MCMDC2: variants seen among roughly 807,000 people sequenced by gnomAD.
MCMDC2 encodes minichromosome maintenance domain-containing protein 2.
In MCMDC2, 54 loss-of-function variants were observed where a neutral mutation model predicts 75.8. The observed-to-expected ratio is 0.71, with a 90% CI of 0.57 to 0.89. MCMDC2 has a LOEUF of 0.89. MCMDC2 is among the 40% of genes least tolerant of loss of function. MCMDC2 has a pLI of 0.00. For synonymous variants in MCMDC2, 249 were observed against 274.6 expected, an observed-to-expected ratio of 0.91 and a Z score of 0.92; for missense variants, 656 against 780.4, an observed-to-expected ratio of 0.84 and a Z score of 1.90.
In MCMDC2 at chr8:66,921,797, C is replaced by T. The variant is rs1813544052; in HGVS notation, c.*2628C>T. 6.6e-6 allele frequency: 1 copy of T among 152,190 alleles called. No homozygotes were observed. Among genetic ancestry groups the T allele is most frequent in the South Asian group, 2.1e-4 (1 of 4,828 alleles). The allele number at this position is 152,190 out of a possible 1,614,324, so 9.4% of individuals were successfully genotyped here. A position where few individuals can be genotyped will look rare whatever the true frequency, so the allele number is the denominator to read the frequency against. On this transcript the variant is annotated 3_prime_UTR_variant, in exon 15 of 15. Coordinates refer to ENST00000422365, the MANE Select transcript of MCMDC2 (RefSeq NM_173518.5). ...AAGCCAGACAGGGAACCTAGAGGTA[C>T]AAGCAATGTCTCCCCAGCTGTCAGC...
chr8:66,871,015 G>A (rs1810989193), intron 1 of MCMDC2, among the ~76,000 whole-genome samples, 184 bp downstream of exon 1: 1 of 152,196 alleles, frequency 6.6e-6, no homozygotes, highest in South Asian at 2.1e-4. Flanking sequence ...CAGAATCCGC[G>A]CCTGTTCCAC....
rs562884126 is a variant in MCMDC2 at position 66,901,703 on chromosome 8, G to A, written c.1769+355G>A. On this transcript the variant is annotated intron_variant, in intron 13 of 14. Transcript: ENST00000422365. ...TCCCAGCACTTTGGGAGTCCGAGAG[G>A]GCAGATTGCCTGAGGTCAGGAGTTC... 8 of 904,076 alleles carry A rather than the reference G, an allele frequency of 8.8e-6. No homozygotes were observed. The African/African-American group carries it at 1.4e-4, about 16-fold the overall frequency. 56.0% of individuals were successfully genotyped at this position (904,076 alleles called of 1,614,324 possible).
chr8:66,880,704 C>A (rs1399897426), intron 7 of MCMDC2, 145 bp from the exon 8 acceptor site: 2 of 761,482 alleles, frequency 2.6e-6, no homozygotes, highest in Non-Finnish European at 1.8e-6. Flanking sequence ...TAGTGTCACT[C>A]TATATGGATA....
In MCMDC2 at chr8:66,921,107, A is replaced by C. The variant is rs905745991; in HGVS notation, c.*1938A>C. On this transcript the variant is annotated 3_prime_UTR_variant, in exon 15 of 15. Transcript: ENST00000422365. Reference sequence around the variant, plus strand: ...TCAAAAAACCCAACCTCAGTCTCAAAGATGGTTACTTCACCACAAAAAAAT... The same window carrying C: ...TCAAAAAACCCAACCTCAGTCTCAACGATGGTTACTTCACCACAAAAAAAT... 2.0e-5 allele frequency: 3 copies of C among 152,150 alleles called. No individual in the cohort carries two copies. The highest frequency in any genetic ancestry group is 7.2e-5 in the African/African-American group (3 of 41,404). 9.4% of individuals were successfully genotyped at this position (152,150 alleles called of 1,614,324 possible).
downstream of MCMDC2, among the ~76,000 whole-genome samples, chr8:66,924,633 C>CAA (rs201097719): frequency 3.1e-4 from 25 of 81,108 alleles, no homozygotes; most frequent in South Asian, 3.9e-4. Context: ...GACTCTGGCT[C>CAA]AAAAAAAAAA....
intron 14 of MCMDC2, among the ~76,000 whole-genome samples, chr8:66,907,341 C>T (rs375644444): frequency 1.4e-4 from 21 of 152,158 alleles, no homozygotes; most frequent in African/African-American, 5.1e-4. Flanking sequence ...GTTTTATGTT[C>T]CTGTGTTAGT....
At chr8:66,872,935 C>T (rs867961813) in intron 1 of MCMDC2, among the ~76,000 whole-genome samples, 1 of 128,564 alleles carries the variant, frequency 7.8e-6, no homozygotes, top group East Asian at 2.3e-4. Flanking sequence ...CCAGCCTGGG[C>T]GACAGAGTTG....
rs1025852724 is a variant in MCMDC2 at position 66,921,286 on chromosome 8, A to G, written c.*2117A>G. 9 of 152,222 alleles carry G rather than the reference A, an allele frequency of 5.9e-5. No homozygotes were observed. The highest frequency in any genetic ancestry group is 9.6e-5 in the African/African-American group (4 of 41,452). The allele number at this position is 152,222 out of a possible 1,614,324, so 9.4% of individuals were successfully genotyped here. A position where few individuals can be genotyped will look rare whatever the true frequency, so the allele number is the denominator to read the frequency against. On this transcript the variant is annotated 3_prime_UTR_variant, in exon 15 of 15. Coordinates refer to ENST00000422365, the MANE Select transcript of MCMDC2 (RefSeq NM_173518.5). ...TGCAGGACGAAAAATTAATGGGTGC[A>G]ATGTACACCATTCAGGTAATGGCTG...
At chr8:66,890,734 A>T in intron 9 of MCMDC2, 131 bp from the exon 10 acceptor site, 1 of 787,488 alleles carries the variant, frequency 1.3e-6, no homozygotes, top group Non-Finnish European at 2.0e-6. Context: ...TTAGTCATAT[A>T]TATTTTTATC....
intron 11 of MCMDC2, among the ~76,000 whole-genome samples, 155 bp from the exon 12 acceptor site, chr8:66,896,625 C>A (rs1812364629): frequency 6.6e-6 from 1 of 151,440 alleles, no homozygotes; most frequent in Admixed American, 6.6e-5. Context: ...TAAAAAGTTC[C>A]CAGATTATTA....
intron 9 of MCMDC2, among the ~76,000 whole-genome samples, chr8:66,888,821 G>A (rs113591933): frequency 0.03 from 4,571 of 152,216 alleles, 132 homozygotes; most frequent in African/African-American, 0.06. Context: ...GCTCAGCCTA[G>A]CTGCCTATTA....
At chr8:66,871,108 C>G (rs185838835) in intron 1 of MCMDC2, among the ~76,000 whole-genome samples, 186 of 152,292 alleles carry the variant, frequency 1.2e-3, no homozygotes, top group African/African-American at 4.4e-3. Flanking sequence ...TAACGCTTTT[C>G]CACAGGCTTC....
At chr8:66,884,257 T>C (rs1811729029) in intron 9 of MCMDC2, 1 of 500,238 alleles carries the variant, frequency 2.0e-6, no homozygotes, top group African/African-American at 1.9e-5. Flanking sequence ...TTCCCCCTAT[T>C]CCCTAGCTCT....
At chr8:66,877,927 G>A (rs1233947442) in intron 5 of MCMDC2, among the ~76,000 whole-genome samples, 2 of 148,378 alleles carry the variant, frequency 1.3e-5, no homozygotes, top group Admixed American at 6.8e-5. Context: ...TTTACAATTA[G>A]TTATAAAACA....
intron 13 of MCMDC2, among the ~76,000 whole-genome samples, chr8:66,903,211 A>G (rs1812777939): frequency 1.3e-5 from 2 of 151,912 alleles, no homozygotes; most frequent in East Asian, 1.9e-4. Flanking sequence ...TCTGTTTTCC[A>G]TTTTGAAACA....
intron 9 of MCMDC2, chr8:66,884,515 G>A (rs979055557): frequency 1.3e-5 from 2 of 151,376 alleles, no homozygotes; most frequent in Non-Finnish European, 2.9e-5. Context: ...TATTCACAAA[G>A]TTAGAAATAA....
downstream of MCMDC2, chr8:66,922,400 CA>C (rs1813584801): frequency 6.5e-6 from 3 of 458,246 alleles, no homozygotes; most frequent in East Asian, 1.8e-4. Context: ...ATGCTAAAAA[CA>C]AAGAATATTC....
Position 66,879,029 on chromosome 8 carries a change from G to A in MCMDC2, c.709+110G>A. ...CCAACACTTTTGGAGGCTGAGGTGG[G>A]AGGATCACTTGAGGCCAGGAGTTTG... On this transcript the variant is annotated intron_variant, in intron 7 of 14. Transcript: ENST00000422365. 4 of 695,712 alleles carry A rather than the reference G, an allele frequency of 5.7e-6. No individual in the cohort carries two copies. The South Asian group carries it at 6.7e-5, about 12-fold the overall frequency. The allele number at this position is 695,712 out of a possible 1,614,324, so 43.1% of individuals were successfully genotyped here.
At chr8:66,901,499 T>G (rs1321063869) in intron 13 of MCMDC2, 151 bp downstream of exon 13, 4 of 1,365,206 alleles carry the variant, frequency 2.9e-6, no homozygotes, top group Non-Finnish European at 3.8e-6. Context: ...ACTAAAGGCT[T>G]CACAATTCCT....
Sources: allele counts gnomAD v4.1 joint callset (sites outside exome capture counted in the v4.1 genomes callset), GRCh38; gene constraint gnomAD v4.1.1; transcripts MANE v1.5; gene names NCBI Gene and HGNC (gene_info 2026-07-23, HGNC 2026-07-21).